The following PDE4C variants were observed in gnomAD, a reference collection of about 807,000 sequenced individuals.
PDE4C encodes the protein 3',5'-cyclic-AMP phosphodiesterase 4C.
PDE4C carries 50 observed loss-of-function variants against 63.9 expected under a neutral mutation model. That is an observed-to-expected ratio of 0.78 (90% confidence interval 0.62 to 0.99). The LOEUF is 0.99. PDE4C is among the 50% of genes least tolerant of loss of function. The pLI, the probability that PDE4C is intolerant of heterozygous loss-of-function variation, is 0.00. For missense variants in PDE4C, 777 were observed against 899.1 expected (o/e 0.86, Z 1.74); for synonymous variants, 377 against 385.1 (o/e 0.98, Z 0.25).
intron 1 of PDE4C, among the ~76,000 whole-genome samples, chr19:18,232,411 G>A (rs897863627): frequency 2.3e-5 from 3 of 129,416 alleles, no homozygotes; most frequent in Non-Finnish European, 3.3e-5. Flanking sequence ...GTGTGTGTGC[G>A]TGTGTGTGTG....
In PDE4C at chr19:18,213,057, G is replaced by C. The variant is rs567736815; in HGVS notation, c.1512+311C>G. On this transcript the variant is annotated intron_variant, in intron 13 of 14. Transcript: ENST00000262805. ...GCCTGTAATCCCAGCACTTTGGGAG[G>C]CCGAGGTGGGCGGATCTCAATCTCA... Among the ~76,000 whole-genome samples the C allele has an allele frequency of 9.6e-4, 144 of 149,442 alleles. 1 individual carries two copies. The highest frequency in any genetic ancestry group is 3.5e-3 in the African/African-American group (142 of 40,976).
At chr19:18,236,508 C>G (rs1968953227), upstream of PDE4C, among the ~76,000 whole-genome samples, 1 of 152,244 alleles carries the variant, frequency 6.6e-6, no homozygotes. Flanking sequence ...CAGGCATCAG[C>G]CACCACAACC....
chr19:18,241,914 T>C (rs117875443), intron 1 of PDE4C, among the ~76,000 whole-genome samples: 8 of 152,210 alleles, frequency 5.3e-5, no homozygotes, highest in Non-Finnish European at 1.2e-4. Flanking sequence ...CACACATTCC[T>C]ATTTGTTCAC....
At chr19:18,211,772 A>C in exon 14 of PDE4C, 1 of 1,614,020 alleles carries the variant, frequency 6.2e-7, no homozygotes, top group Non-Finnish European at 8.5e-7. Flanking sequence ...GGACTTCTCC[A>C]CTGAGGCCGT....
chr19:18,248,968 T>C (rs146347619), upstream of PDE4C, among the ~76,000 whole-genome samples: 294 of 149,282 alleles, frequency 2.0e-3, 1 homozygote, highest in African/African-American at 7.1e-3. Context: ...GAGGTTGCAG[T>C]GAGCTGAGAT....
At chr19:18,216,854 C>T in exon 12 of PDE4C, 1 of 1,614,160 alleles carries the variant, frequency 6.2e-7, no homozygotes, top group Non-Finnish European at 8.5e-7. Context: ...TGATGGTTCT[C>T]CAGCACCGAG....
chr19:18,218,173 A>C, exon 11 of PDE4C: 1 of 1,613,978 alleles, frequency 6.2e-7, no homozygotes, highest in African/African-American at 1.3e-5. Context: ...AACTGGTTGG[A>C]GACCCCAGGA....
At chr19:18,252,298 G>C, upstream of PDE4C, 1 of 399,138 alleles carries the variant, frequency 2.5e-6, no homozygotes. Flanking sequence ...TGGATGGTAG[G>C]GGTTGCCCCT....
rs112168806 is a variant in PDE4C, at chr19:18,219,927, T to C, written c.706+299A>G. 8.5e-4 allele frequency among the ~76,000 whole-genome samples: 130 copies of C among 152,180 alleles called. 1 individual carries two copies. The highest frequency in any genetic ancestry group is 2.1e-3 in the Admixed American group (32 of 15,286). ...CTGCTAGGCTTGGCCCCTGGGTGCC[T>C]GGGGCTCAGCATTTTCCCCCAAACA... On this transcript the variant is annotated intron_variant, in intron 7 of 14. Transcript: ENST00000262805.
rs553070308 is a variant in PDE4C, at chr19:18,222,231, G to A, written c.239C>T (p.Pro80Leu). ...GAAGGACTCGCGCCGCTGGCTGTGCGGGACTGGAGCCTGCATAATCCGGCC... is the reference window on the plus strand; with the variant it reads ...GAAGGACTCGCGCCGCTGGCTGTGCAGGACTGGAGCCTGCATAATCCGGCC... The change falls in exon 2 of 15, where the codon CCG becomes CTG. Residue 80 changes from proline (P) to leucine (L), a missense_variant. Transcript: ENST00000262805. 22 of 1,614,092 alleles carry A rather than the reference G, an allele frequency of 1.4e-5. No individual in the cohort carries two copies. In the East Asian group the frequency reaches 1.6e-4, roughly 11 times the overall value.
chr19:18,245,146 TTTTG>T (rs58953650), intron 1 of PDE4C, among the ~76,000 whole-genome samples: 23,304 of 148,418 alleles, frequency 0.16, 2,084 homozygotes, highest in Non-Finnish European at 0.18. Context: ...GTTGTTGGTT[TTTTG>T]TTTGTTTGTT....
intron 1 of PDE4C, among the ~76,000 whole-genome samples, chr19:18,239,162 C>T: frequency 6.6e-6 from 1 of 152,074 alleles, no homozygotes; most frequent in East Asian, 1.9e-4. Flanking sequence ...CCATTATTTC[C>T]ATTTAACAAA....
intron 4 of PDE4C, 56 bp downstream of exon 4, chr19:18,221,049 T>TCCGCCAGGCCCACACC: frequency 8.1e-7 from 1 of 1,239,970 alleles, no homozygotes; most frequent in Non-Finnish European, 1.1e-6. Flanking sequence ...CAGCCCGCTT[T>TCCGCCAGGCCCACACC]CCGCCCACCT....
intron 1 of PDE4C, among the ~76,000 whole-genome samples, chr19:18,242,400 C>A (rs1009524270): frequency 7.6e-6 from 1 of 131,688 alleles, no homozygotes; most frequent in South Asian, 2.6e-4. Flanking sequence ...TGTTTATGCC[C>A]GAGAGGCGGA....
intron 12 of PDE4C, among the ~76,000 whole-genome samples, chr19:18,216,329 G>A (rs1296190943): frequency 1.3e-5 from 2 of 150,290 alleles, no homozygotes; most frequent in Admixed American, 6.7e-5. Flanking sequence ...TGCGATCTCA[G>A]CTCACTAGCT....
exon 1 of PDE4C, chr19:18,226,319 T>C (rs757179252): frequency 6.4e-6 from 10 of 1,566,686 alleles, no homozygotes; most frequent in Middle Eastern, 2.2e-4. Context: ...ATGCTCTGAT[T>C]CACCAAAAGC....
downstream of PDE4C, chr19:18,208,689 G>A (rs1967797882): frequency 6.6e-6 from 1 of 152,148 alleles, no homozygotes; most frequent in South Asian, 2.1e-4. Context: ...CCAGATAAAT[G>A]CTCAGTACCC....
At position 18,211,302 on chromosome 19, in the gene PDE4C, G is replaced by T. The variant is rs968487899; in HGVS notation, c.1696-26C>A. ...CTGTGGCGGGGGGTGGGGCATGTCGGCATTTGGTGAGTTACAGTGAACCCT... is the reference window on the plus strand; with the variant it reads ...CTGTGGCGGGGGGTGGGGCATGTCGTCATTTGGTGAGTTACAGTGAACCCT... On this transcript the variant is annotated intron_variant, in intron 14 of 14. Coordinates refer to ENST00000262805, the Ensembl canonical transcript of PDE4C. 6 of 1,535,834 alleles carry T rather than the reference G, an allele frequency of 3.9e-6. No individual in the cohort carries two copies. In the African/African-American group the frequency reaches 8.2e-5, roughly 21 times the overall value.
chr19:18,226,589 A>C, upstream of PDE4C: 4 of 384,726 alleles, frequency 1.0e-5, no homozygotes, highest in Non-Finnish European at 1.8e-5. Context: ...ACAGAGTCAG[A>C]CGCAACTCTC....
Sources: allele counts gnomAD v4.1 joint callset (sites outside exome capture counted in the v4.1 genomes callset), GRCh38; gene constraint gnomAD v4.1.1; transcripts MANE v1.5; gene names NCBI Gene and HGNC (gene_info 2026-07-23, HGNC 2026-07-21).